The following XPNPEP2 variants were observed in gnomAD, a reference collection of about 807,000 sequenced individuals.
XPNPEP2 encodes the protein xaa-Pro aminopeptidase 2.
In XPNPEP2, 64 loss-of-function variants were observed where a neutral mutation model predicts 59.8. The ratio of observed to expected loss-of-function variants is 1.07; its 90% CI spans 0.87 to 1.32. The LOEUF (loss-of-function observed/expected upper bound fraction) is 1.32, where lower values mean the gene tolerates loss of function less well. Among genes scored for constraint, XPNPEP2 ranks in the 40% most tolerant of loss-of-function variants. The pLI, the probability that XPNPEP2 is intolerant of heterozygous loss-of-function variation, is 0.00. For synonymous variants in XPNPEP2, 235 were observed against 210.0 expected (o/e 1.12, Z -1.03); for missense variants, 575 against 546.8 (o/e 1.05, Z -0.51).
chrX:129,752,372 C>T, intron 10 of XPNPEP2, 27 bp downstream of exon 10: 1 of 1,197,810 alleles, frequency 8.3e-7, no homozygotes, highest in Non-Finnish European at 1.1e-6. Context: ...CCAGCCCAAG[C>T]CAGGCACCAA....
intron 14 of XPNPEP2, 145 bp downstream of exon 14, chrX:129,756,700 C>A (rs1050091688): frequency 3.7e-5 from 21 of 565,382 alleles, no homozygotes; most frequent in Admixed American, 2.1e-4. Flanking sequence ...GAACATCCTA[C>A]CCATTTTCAC....
intron 14 of XPNPEP2, among the ~76,000 whole-genome samples, chrX:129,758,193 C>T (rs1432452935): frequency 8.9e-6 from 1 of 111,769 alleles, no homozygotes; most frequent in Non-Finnish European, 1.9e-5. Context: ...TAGCACAGCT[C>T]TAGGGGATCC....
chrX:129,741,990 C>G, intron 1 of XPNPEP2, 118 bp from the exon 2 acceptor site: 2 of 622,761 alleles, frequency 3.2e-6, no homozygotes, highest in South Asian at 2.7e-5. Context: ...GTAGAGCTGG[C>G]CAGCTTCGTG....
intron 7 of XPNPEP2, among the ~76,000 whole-genome samples, chrX:129,748,533 G>A (rs1926340358): frequency 8.9e-6 from 1 of 111,769 alleles, no homozygotes; most frequent in Admixed American, 9.5e-5. Flanking sequence ...ATCCCTTTCC[G>A]CATGCAAGTC....
rs5932681 is a variant in XPNPEP2, at chrX:129,767,279, A to G, written c.1741-324A>G. Reference sequence around the variant, plus strand: ...GCCCTGCCCTAAGGATTCTGCCTCCAGTAGGTTTGGGAGGTGGGCCCTGGA... The same window carrying G: ...GCCCTGCCCTAAGGATTCTGCCTCCGGTAGGTTTGGGAGGTGGGCCCTGGA... On this transcript the variant is annotated intron_variant, in intron 19 of 20. Coordinates refer to ENST00000371106, the MANE Select transcript of XPNPEP2 (RefSeq NM_003399.6). Among the ~76,000 whole-genome samples, 973 of 112,491 alleles carry G rather than the reference A, an allele frequency of 8.6e-3. 5 individuals carry two copies. Among genetic ancestry groups the G allele is most frequent in the Middle Eastern group, 0.041 (9 of 218 alleles).
chrX:129,742,761 G>A (rs771411149), intron 2 of XPNPEP2, among the ~76,000 whole-genome samples: 7 of 111,593 alleles, frequency 6.3e-5, no homozygotes, highest in South Asian at 3.8e-4. Context: ...AATTAGCCAG[G>A]CATGGTGGCG....
chrX:129,752,337 A>G lies in XPNPEP2; in HGVS notation c.1009A>G (p.Ile337Val). Reference sequence around the variant, plus strand: ...TACCATGTATGGGATCTATGAAATGATACCCAAGGTGGGTTTGCCAGGCCC... The same window carrying G: ...TACCATGTATGGGATCTATGAAATGGTACCCAAGGTGGGTTTGCCAGGCCC... ...SYTMYGIYEMIPKEKLVTDTY... is the reference protein window; with the variant it reads ...SYTMYGIYEMVPKEKLVTDTY... The change falls in exon 10 of 21, where the codon ATA becomes GTA. Residue 337 changes from isoleucine (I) to valine (V), a missense_variant. Transcript: ENST00000371106. 1 of 1,210,752 alleles carries G rather than the reference A, an allele frequency of 8.3e-7. No individual in the cohort carries two copies. Among genetic ancestry groups the G allele is most frequent in the Non-Finnish European group, 1.1e-6 (1 of 894,928 alleles).
At position 129,739,222 on chromosome X, in the gene XPNPEP2, G is replaced by A. The variant is rs1926127635; in HGVS notation, c.9G>A (p.Arg3=). The A allele has an allele frequency of 3.3e-6, 4 of 1,209,361 alleles. No individual in the cohort carries two copies. The highest frequency in any genetic ancestry group is 4.5e-6 in the Non-Finnish European group (4 of 895,364). Residue 3 remains arginine (R), a synonymous_variant, in exon 1 of 21, where the codon CGG becomes CGA. Transcript: ENST00000371106. The part of the protein sequence containing the change: MA[R]AHWGCCPWLV... ...CGGCATCTGGAGACCCTATGGCCCG[G>A]GCTCACTGGGGCTGCTGCCCCTGGC...
intron 2 of XPNPEP2, 106 bp downstream of exon 2, chrX:129,742,287 C>A: frequency 2.4e-6 from 1 of 421,484 alleles, no homozygotes; most frequent in Non-Finnish European, 4.1e-6. Flanking sequence ...GCTCTATCAT[C>A]TTCTCTATCC....
At position 129,752,327 on chromosome X, in the gene XPNPEP2, C is replaced by A; in HGVS notation, c.999C>A (p.Ile333=). The A allele has an allele frequency of 8.3e-7, 1 of 1,211,030 alleles. No homozygotes were observed. Among genetic ancestry groups the A allele is most frequent in the Non-Finnish European group, 1.1e-6 (1 of 895,101 alleles). ...GGACCAGCTATACCATGTATGGGATCTATGAAATGATACCCAAGGTGGGTT... is the reference window on the plus strand; with the variant it reads ...GGACCAGCTATACCATGTATGGGATATATGAAATGATACCCAAGGTGGGTT... ...WIGTSYTMYG[I]YEMIPKEKLV... is the part of the protein sequence containing the mutation. Residue 333 remains isoleucine (I), a synonymous_variant, in exon 10 of 21, where the codon ATC becomes ATA. Transcript: ENST00000371106.
rs1322319364 is a variant in XPNPEP2 at position 129,756,536 on chromosome X, G to C, written c.1348G>C (p.Asp450His). 1 of 1,211,318 alleles carries C rather than the reference G, an allele frequency of 8.3e-7. No individual in the cohort carries two copies. The highest frequency in any genetic ancestry group is 3.0e-5 in the East Asian group (1 of 33,819). ...KLSSDEMYLL[D>H]SGGQYWDGTT... ...GTCCTCAGATGAGATGTACCTGCTGGACTCTGGGGGGCAGTACTGGTATGT... is the reference window on the plus strand; with the variant it reads ...GTCCTCAGATGAGATGTACCTGCTGCACTCTGGGGGGCAGTACTGGTATGT... The change falls in exon 14 of 21, where the codon GAC (aspartate) becomes CAC (histidine). Residue 450 changes from aspartate (D) to histidine (H), a missense_variant. Physicochemically the swap from Asp to His is moderately conservative, Grantham distance 81 (BLOSUM62 -1). Transcript: ENST00000371106.
At chrX:129,762,338 C>T (rs758748223) in intron 18 of XPNPEP2, among the ~76,000 whole-genome samples, 47 of 111,853 alleles carry the variant, frequency 4.2e-4, no homozygotes, top group African/African-American at 8.8e-4. Flanking sequence ...GTGGTATGGC[C>T]GTAGACCCAG....
rs1209804341 is a variant in XPNPEP2 at position 129,742,242 on chromosome X, C to T, written c.123+61C>T. ...GGCCCCACGCACCCCCCCACCCCTG[C>T]CCCACGCACCCCTGCACCGCAGCAC... is the stretch of plus-strand genomic sequence containing the variant. On this transcript the variant is annotated intron_variant, in intron 2 of 20. Transcript: ENST00000371106. The T allele has an allele frequency of 7.5e-5, 48 of 643,617 alleles. No individual in the cohort carries two copies. The African/African-American group carries it at 9.5e-4, about 13-fold the overall frequency. 53.0% of individuals were successfully genotyped at this position (643,617 alleles called of 1,213,427 possible). A position where few individuals can be genotyped will look rare whatever the true frequency, so the allele number is the denominator to read the frequency against.
At chrX:129,742,208 G>A (rs747717485) in intron 2 of XPNPEP2, 27 bp downstream of exon 2, 365 of 881,839 alleles carry the variant, frequency 4.1e-4, no homozygotes, top group Non-Finnish European at 5.0e-4. Flanking sequence ...CCCCGCGCAC[G>A]GCCCCCCTGG....
intron 1 of XPNPEP2, among the ~76,000 whole-genome samples, chrX:129,741,178 G>T (rs1820767468): frequency 9.8e-6 from 1 of 101,812 alleles, no homozygotes; most frequent in Non-Finnish European, 2.0e-5. Flanking sequence ...ATATTGGGGG[G>T]GGGTCACTCT....
intron 7 of XPNPEP2, 134 bp from the exon 8 acceptor site, chrX:129,750,334 A>T: frequency 2.1e-6 from 1 of 465,399 alleles, no homozygotes; most frequent in Non-Finnish European, 3.7e-6. Context: ...CACAAGTAAG[A>T]GTTTGTTTGA....
At chrX:129,758,158 A>T (rs978309783) in intron 14 of XPNPEP2, among the ~76,000 whole-genome samples, 1 of 111,668 alleles carries the variant, frequency 9.0e-6, no homozygotes, top group Non-Finnish European at 1.9e-5. Flanking sequence ...GAATGTGCTA[A>T]CGACAGAGGC....
At chrX:129,753,551 G>A (rs938328524) in intron 11 of XPNPEP2, among the ~76,000 whole-genome samples, 3 of 111,166 alleles carry the variant, frequency 2.7e-5, no homozygotes, top group Non-Finnish European at 3.8e-5. Flanking sequence ...GCTGAGGCAC[G>A]AGAATCGCTT....
intron 3 of XPNPEP2, 72 bp from the exon 4 acceptor site, chrX:129,745,131 T>G: frequency 8.8e-7 from 1 of 1,132,546 alleles, no homozygotes; most frequent in Non-Finnish European, 1.2e-6. Flanking sequence ...ATAACTGGGA[T>G]GTGGTTGGGG....
Sources: gnomAD v4.1 joint callset for allele counts (sites outside exome capture counted in the v4.1 genomes callset) on GRCh38, gnomAD v4.1.1 for gene constraint, MANE v1.5 for transcripts, NCBI Gene and HGNC (gene_info 2026-07-23, HGNC 2026-07-21) for gene names.